The following F13A1 variants were observed in gnomAD, a reference collection of about 807,000 sequenced individuals.
F13A1 encodes the protein coagulation factor XIII A chain, also known as FSF, A subunit.
Under a neutral mutation model 80.1 loss-of-function variants are expected in F13A1, and 47 were observed. That is an observed-to-expected ratio of 0.59 (90% CI 0.46 to 0.75). The LOEUF is 0.75. F13A1 is among the 30% of genes least tolerant of loss of function. The pLI is 0.00. For missense variants in F13A1, 817 were observed against 930.4 expected, an observed-to-expected ratio of 0.88 and a Z score of 1.59; for synonymous variants, 349 against 344.9, an observed-to-expected ratio of 1.01 and a Z score of -0.13.
chr6:6,155,702 T>G (rs1048528763), intron 13 of F13A1, among the ~76,000 whole-genome samples: 1 of 152,184 alleles, frequency 6.6e-6, no homozygotes, highest in Non-Finnish European at 1.5e-5. Context: ...TCTCCTTGCT[T>G]CTTTTGAGGA....
At chr6:6,197,179 G>T in intron 9 of F13A1, 44 bp downstream of exon 9, 1 of 1,576,378 alleles carries the variant, frequency 6.3e-7, no homozygotes, top group Non-Finnish European at 8.7e-7. Context: ...GCAAAACAAA[G>T]ATCAGCAATG....
At position 6,162,583 on chromosome 6, in the gene F13A1, C is replaced by A. The variant is rs1456860396; in HGVS notation, c.1908+4875G>T. ...GGCTTCCAAGTCAGGAAGACCTGGGCCAGAAGTGTCTCTCCTTCCCTCAAC... is the reference window on the plus strand; with the variant it reads ...GGCTTCCAAGTCAGGAAGACCTGGGACAGAAGTGTCTCTCCTTCCCTCAAC... On this transcript the variant is annotated intron_variant, in intron 13 of 14. Coordinates refer to ENST00000264870, the MANE Select transcript of F13A1 (RefSeq NM_000129.4). The surrounding 1 kb of genome is among the most constrained non-coding windows in gnomAD (Gnocchi z 4.2). 6.6e-6 allele frequency among the ~76,000 whole-genome samples: 1 copy of A among 152,142 alleles called. No individual in the cohort carries two copies. The highest frequency in any genetic ancestry group is 2.4e-5 in the African/African-American group (1 of 41,420).
intron 10 of F13A1, 115 bp from the exon 11 acceptor site, chr6:6,182,256 T>C (rs1358293081): frequency 8.9e-7 from 1 of 1,118,660 alleles, no homozygotes; most frequent in Non-Finnish European, 1.3e-6. Flanking sequence ...GCCCCTTTCT[T>C]CAACAACATT....
intron 10 of F13A1, among the ~76,000 whole-genome samples, chr6:6,185,155 G>C (rs1268470308): frequency 6.7e-6 from 1 of 150,036 alleles, no homozygotes; most frequent in Admixed American, 6.6e-5. Flanking sequence ...TATACTTTAA[G>C]TTCTAGGGTA....
At chr6:6,178,973 G>T (rs776907601) in intron 11 of F13A1, among the ~76,000 whole-genome samples, 1 of 152,192 alleles carries the variant, frequency 6.6e-6, no homozygotes, top group African/African-American at 2.4e-5. Context: ...GAGTGTGCGC[G>T]GAAGGAGTGG....
At chr6:6,190,792 C>T (rs1761175123) in intron 10 of F13A1, among the ~76,000 whole-genome samples, 1 of 152,142 alleles carries the variant, frequency 6.6e-6, no homozygotes, top group African/African-American at 2.4e-5. Context: ...CCTAAGCAAG[C>T]CTGGGCAATG....
intron 3 of F13A1, among the ~76,000 whole-genome samples, chr6:6,280,822 G>C (rs763199328): frequency 6.6e-6 from 1 of 152,158 alleles, no homozygotes; most frequent in Non-Finnish European, 1.5e-5. Context: ...CTTTATTTGT[G>C]GGCTTGAAGG....
chr6:6,165,821 C>G (rs979294847), intron 13 of F13A1, among the ~76,000 whole-genome samples: 1 of 152,252 alleles, frequency 6.6e-6, no homozygotes, highest in Non-Finnish European at 1.5e-5. Context: ...CTCCCTTTGC[C>G]TGCCAACCCT....
At position 6,272,075 on chromosome 6, in the gene F13A1, G is replaced by A. The variant is rs150201312; in HGVS notation, c.320-5266C>T. 3.9e-5 allele frequency among the ~76,000 whole-genome samples: 6 copies of A among 152,336 alleles called. No homozygotes were observed. The East Asian group carries it at 1.2e-3, about 29-fold the overall frequency. On this transcript the variant is annotated intron_variant, in intron 3 of 14. Coordinates refer to ENST00000264870, the MANE Select transcript of F13A1 (RefSeq NM_000129.4). ...AGCCACAGCTCAAATTCAGTGCTAT[G>A]TGACCCTGGGGAAAATGTCCTCTCA... is the stretch of plus-strand genomic sequence containing the variant.
chr6:6,148,992 T>TA (rs67577432), intron 14 of F13A1, among the ~76,000 whole-genome samples: 57,440 of 146,858 alleles, frequency 0.39, 11,030 homozygotes, highest in African/African-American at 0.47. Context: ...ATGTAGACAC[T>TA]AAAAAAAAAA....
At chr6:6,180,194 C>T (rs1408645106) in intron 11 of F13A1, among the ~76,000 whole-genome samples, 1 of 152,228 alleles carries the variant, frequency 6.6e-6, no homozygotes, top group African/African-American at 2.4e-5. Flanking sequence ...GGACCTCTTT[C>T]CCCAGCTTCA....
intron 12 of F13A1, among the ~76,000 whole-genome samples, chr6:6,173,151 G>A (rs887758238): frequency 2.0e-5 from 3 of 152,062 alleles, no homozygotes; most frequent in African/African-American, 4.8e-5. Context: ...GTTGCCCATC[G>A]TGTGGTCAAC....
In F13A1 at chr6:6,271,864, G is replaced by A. The variant is rs906089610; in HGVS notation, c.320-5055C>T. Among the ~76,000 whole-genome samples the A allele has an allele frequency of 1.9e-4, 29 of 152,184 alleles. 2 individuals carry two copies. The highest frequency in any genetic ancestry group is 1.7e-3 in the Admixed American group (26 of 15,270). On this transcript the variant is annotated intron_variant, in intron 3 of 14. Coordinates refer to ENST00000264870, the MANE Select transcript of F13A1 (RefSeq NM_000129.4). ...GAATGTCTCATTGTCCCTTTACTGA[G>A]GGCCTCACTCTCCTTACACAGACCT...
At chr6:6,191,178 CA>C (rs1761191044) in intron 10 of F13A1, among the ~76,000 whole-genome samples, 1 of 152,154 alleles carries the variant, frequency 6.6e-6, no homozygotes, top group South Asian at 2.1e-4. Flanking sequence ...CAGAAATCAC[CA>C]GTCTTCTGCG....
At chr6:6,273,821 T>C (rs1467443905) in intron 3 of F13A1, among the ~76,000 whole-genome samples, 1 of 151,770 alleles carries the variant, frequency 6.6e-6, no homozygotes, top group Non-Finnish European at 1.5e-5. Context: ...GGAAAGGGAG[T>C]GTGCTGAGAC....
chr6:6,227,083 C>G (rs1024576133), intron 6 of F13A1, among the ~76,000 whole-genome samples: 1 of 152,080 alleles, frequency 6.6e-6, no homozygotes, highest in Non-Finnish European at 1.5e-5. Flanking sequence ...TGTAAGTAGG[C>G]AATACCGAAC....
intron 8 of F13A1, among the ~76,000 whole-genome samples, chr6:6,218,248 G>C (rs1304988471): frequency 6.6e-6 from 1 of 152,176 alleles, no homozygotes; most frequent in African/African-American, 2.4e-5. Context: ...TGTGACCTTT[G>C]TATAATGAGG....
In F13A1 at chr6:6,250,935, T is replaced by A; in HGVS notation, c.572-6A>T. On this transcript the variant is annotated splice_region_variant and splice_polypyrimidine_tract_variant and intron_variant, in intron 4 of 14. Transcript: ENST00000264870. This position sits in a 1 kb window ranked among gnomAD's most constrained non-coding sequence, Gnocchi z 4.2. The stretch of plus-strand genomic sequence containing the variant: ...GTCCAGATACACAGCATCATCTGCA[T>A]CAGGGTTTAAACATAGTGACTATTA... 1 of 1,581,386 alleles carries A rather than the reference T, an allele frequency of 6.3e-7. No individual in the cohort carries two copies.
intron 3 of F13A1, among the ~76,000 whole-genome samples, chr6:6,276,437 C>T (rs1359410556): frequency 6.6e-6 from 1 of 152,202 alleles, no homozygotes; most frequent in Admixed American, 6.5e-5. Flanking sequence ...TGGGTTGCCT[C>T]ACCATGTCGT....
Sources: gnomAD v4.1 joint callset for allele counts (sites outside exome capture counted in the v4.1 genomes callset) on GRCh38, gnomAD v4.1.1 for gene constraint, Gnocchi (gnomAD v3.1) non-coding constraint, MANE v1.5 for transcripts, NCBI Gene and HGNC (gene_info 2026-07-23, HGNC 2026-07-21) for gene names.